CATSPERB: variants seen among roughly 807,000 people sequenced by gnomAD.
CATSPERB encodes the protein cation channel sperm-associated auxiliary subunit beta.
In CATSPERB, 93 loss-of-function variants were observed where a neutral mutation model predicts 128.3. That is an observed-to-expected ratio of 0.72 (90% CI 0.61 to 0.86). The LOEUF is 0.86. Ranked by LOEUF, CATSPERB falls within the 40% of genes least tolerant of loss-of-function variation. The pLI, the probability that CATSPERB is intolerant of heterozygous loss-of-function variation, is 0.00. For synonymous variants in CATSPERB, 381 were observed against 448.8 expected (o/e 0.85, Z 1.91); for missense variants, 1,153 against 1,329.5 (o/e 0.87, Z 2.06).
chr14:91,664,368 C>T (rs1046388645), intron 14 of CATSPERB, among the ~76,000 whole-genome samples: 15 of 146,452 alleles, frequency 1.0e-4, no homozygotes, highest in Non-Finnish European at 1.5e-4. Flanking sequence ...CCAGTTCAAG[C>T]GATTCTCCTG....
At chr14:91,697,438 C>A (rs1285983540) in intron 7 of CATSPERB, among the ~76,000 whole-genome samples, 4 of 152,074 alleles carry the variant, frequency 2.6e-5, no homozygotes, top group Non-Finnish European at 5.9e-5. Context: ...GAATAAGAGG[C>A]AGTGGACAGA....
intron 22 of CATSPERB, among the ~76,000 whole-genome samples, chr14:91,593,889 G>A (rs929276035): frequency 2.3e-5 from 3 of 132,358 alleles, no homozygotes; most frequent in African/African-American, 8.4e-5. Flanking sequence ...GGGACCCAGG[G>A]GGAAGTCATT....
At chr14:91,650,764 G>A (rs552395273) in intron 15 of CATSPERB, among the ~76,000 whole-genome samples, 1 of 152,184 alleles carries the variant, frequency 6.6e-6, no homozygotes, top group African/African-American at 2.4e-5. Context: ...AGATAAAAGA[G>A]AGAAACATAC....
In CATSPERB at chr14:91,723,074, C is replaced by T. The variant is rs774417080; in HGVS notation, c.284G>A (p.Gly95Asp). ...CAACGTTAAATTAAAGTGGAAGATG[C>T]CATTATATGTACTATTCATGATTCC... ...SLGIMNSTYN[G>D]IFHFNLTLFS... Residue 95 changes from glycine (G) to aspartate (D), a missense_variant, in exon 4 of 27, where the codon GGC becomes GAC. Coordinates refer to ENST00000256343, the MANE Select transcript of CATSPERB (RefSeq NM_024764.4). 1.3e-5 allele frequency: 20 copies of T among 1,505,060 alleles called. No homozygotes were observed. The highest frequency in any genetic ancestry group is 1.6e-5 in the Non-Finnish European group (18 of 1,126,498). The allele number at this position is 1,505,060 out of a possible 1,614,324, so 93.2% of individuals were successfully genotyped here. A position where few individuals can be genotyped will look rare whatever the true frequency, so the allele number is the denominator to read the frequency against.
chr14:91,724,479 G>T (rs1896087524), intron 3 of CATSPERB, among the ~76,000 whole-genome samples: 1 of 152,108 alleles, frequency 6.6e-6, no homozygotes, highest in Admixed American at 6.5e-5. Context: ...AGGAATACAT[G>T]CATTTGCTCT....
intron 20 of CATSPERB, among the ~76,000 whole-genome samples, chr14:91,617,334 T>A (rs1273352040): frequency 6.6e-6 from 1 of 152,220 alleles, no homozygotes; most frequent in East Asian, 1.9e-4. Context: ...AAATGTGCAG[T>A]TACCTTTAGT....
chr14:91,647,788 T>C (rs1894631849), intron 15 of CATSPERB, among the ~76,000 whole-genome samples: 2 of 152,184 alleles, frequency 1.3e-5, no homozygotes, highest in Non-Finnish European at 1.5e-5. Flanking sequence ...GGAGCTACAA[T>C]TCAAGGTGAG....
At chr14:91,588,962 T>A (rs1893351149) in intron 24 of CATSPERB, among the ~76,000 whole-genome samples, 2 of 152,252 alleles carry the variant, frequency 1.3e-5, no homozygotes, top group South Asian at 4.1e-4. Context: ...TCTGTTTAGT[T>A]AATTATTTCT....
chr14:91,606,594 T>C (rs1893709595), intron 22 of CATSPERB, among the ~76,000 whole-genome samples: 1 of 152,242 alleles, frequency 6.6e-6, no homozygotes, highest in African/African-American at 2.4e-5. Context: ...TATTTTCGAA[T>C]AATTCTGGTT....
chr14:91,695,496 T>C (rs983820884), intron 7 of CATSPERB, among the ~76,000 whole-genome samples: 3 of 152,094 alleles, frequency 2.0e-5, no homozygotes, highest in African/African-American at 7.2e-5. Context: ...ACCAGATTCT[T>C]GCAAAAAAAC....
chr14:91,710,580 G>C (rs978886364), intron 5 of CATSPERB: 1 of 152,182 alleles, frequency 6.6e-6, no homozygotes, highest in African/African-American at 2.4e-5. Flanking sequence ...GATACTAGCA[G>C]TAAACCCAGA....
At chr14:91,665,056 A>T (rs1423399053) in intron 14 of CATSPERB, among the ~76,000 whole-genome samples, 1 of 151,130 alleles carries the variant, frequency 6.6e-6, no homozygotes, top group Non-Finnish European at 1.5e-5. Context: ...CACCTGGATA[A>T]TTTTTTTTTA....
At chr14:91,635,045 G>A (rs995482317) in intron 17 of CATSPERB, among the ~76,000 whole-genome samples, 3 of 151,950 alleles carry the variant, frequency 2.0e-5, no homozygotes, top group Non-Finnish European at 2.9e-5. Context: ...TGTCTTCTAC[G>A]TGTGTCCTTC....
intron 4 of CATSPERB, 71 bp from the exon 5 acceptor site, chr14:91,719,549 A>ATTT (rs1895995609): frequency 1.6e-6 from 2 of 1,216,792 alleles, no homozygotes; most frequent in Non-Finnish European, 2.4e-6. Flanking sequence ...TCTATGCTAT[A>ATTT]TTTTTAAAAG....
At chr14:91,672,195 G>A (rs1040962459) in intron 13 of CATSPERB, among the ~76,000 whole-genome samples, 1 of 152,132 alleles carries the variant, frequency 6.6e-6, no homozygotes. Context: ...TTGAACATAC[G>A]AAGATGGAGG....
intron 20 of CATSPERB, among the ~76,000 whole-genome samples, chr14:91,614,329 C>A (rs766395182): frequency 6.6e-6 from 1 of 152,102 alleles, no homozygotes; most frequent in Non-Finnish European, 1.5e-5. Context: ...CTCTACACTG[C>A]CTTTTTAAAT....
chr14:91,639,434 A>G (rs1293814548), intron 15 of CATSPERB, among the ~76,000 whole-genome samples, 184 bp from the exon 16 acceptor site: 1 of 152,170 alleles, frequency 6.6e-6, no homozygotes, highest in Non-Finnish European at 1.5e-5. Flanking sequence ...TCCAGACTCC[A>G]TGTCACTACA....
chr14:91,581,924 A>G (rs1469933683), intron 26 of CATSPERB, among the ~76,000 whole-genome samples: 2 of 152,228 alleles, frequency 1.3e-5, no homozygotes, highest in Non-Finnish European at 2.9e-5. Flanking sequence ...AAAGGACAAG[A>G]AAAAGGATGA....
intron 7 of CATSPERB, among the ~76,000 whole-genome samples, chr14:91,696,900 G>A (rs1452447902): frequency 6.6e-6 from 1 of 152,200 alleles, no homozygotes; most frequent in Non-Finnish European, 1.5e-5. Context: ...TATGATGGCA[G>A]ATTTCCAGTT....
Sources: allele counts gnomAD v4.1 joint callset (sites outside exome capture counted in the v4.1 genomes callset), GRCh38; gene constraint gnomAD v4.1.1; transcripts MANE v1.5; gene names NCBI Gene and HGNC (gene_info 2026-07-23, HGNC 2026-07-21).